Variants in CSTF1 observed in about 807,000 individuals in gnomAD.
CSTF1 encodes CF-1 50 kDa subunit.
Under a neutral mutation model 40.9 loss-of-function variants are expected in CSTF1, and 2 were observed. That is an observed-to-expected ratio of 0.05 (90% confidence interval 0.02 to 0.15). The LOEUF (loss-of-function observed/expected upper bound fraction) is 0.15. Ranked by LOEUF, CSTF1 falls within the 10% of genes least tolerant of loss-of-function variation. CSTF1 has a pLI of 1.00. For synonymous variants in CSTF1, 218 were observed against 207.2 expected (o/e 1.05, Z -0.45); for missense variants, 279 against 558.9 (o/e 0.50, Z 5.05).
At chr20:56,395,778 T>C (rs1987502375) in intron 2 of CSTF1, 57 bp downstream of exon 2, 19 of 1,568,910 alleles carry the variant, frequency 1.2e-5, no homozygotes, top group Non-Finnish European at 1.6e-5. Context: ...TATTTTCATA[T>C]GGCAGAATTT....
rs1230547978 is a variant in CSTF1 at position 56,402,609 on chromosome 20, T to C, written c.1037-859T>C. The stretch of plus-strand genomic sequence containing the variant: ...AGGATGTTCATTACAACATTACTTA[T>C]AATTGATATAAACTAAATGTCAGGA... On this transcript the variant is annotated intron_variant, in intron 5 of 5. Coordinates refer to ENST00000217109, the MANE Select transcript of CSTF1 (RefSeq NM_001324.3). Among the ~76,000 whole-genome samples, 3 of 152,304 alleles carry C rather than the reference T, an allele frequency of 2.0e-5. No individual in the cohort carries two copies. The East Asian group carries it at 5.8e-4, about 29-fold the overall frequency.
At position 56,401,388 on chromosome 20, in the gene CSTF1, A is replaced by G. The variant is rs182368211; in HGVS notation, c.1036+2031A>G. On this transcript the variant is annotated intron_variant, in intron 5 of 5. Coordinates refer to ENST00000217109, the MANE Select transcript of CSTF1 (RefSeq NM_001324.3). ...TGAATATGGGGACCTGGTTTTGTTA[A>G]TCAGATTTCAGGAGTCTTAAAGATT... 2.4e-3 allele frequency among the ~76,000 whole-genome samples: 373 copies of G among 152,340 alleles called. 6 individuals carry two copies. The highest frequency in any genetic ancestry group is 6.2e-4 in the Non-Finnish European group (42 of 68,032).
intron 1 of CSTF1, 42 bp from the exon 2 acceptor site, chr20:56,395,479 C>A: frequency 7.5e-7 from 1 of 1,337,412 alleles, no homozygotes; most frequent in Non-Finnish European, 1.0e-6. Context: ...CTGTGATTTA[C>A]TAGAGCCTGT....
chr20:56,399,304 CTG>C lies in CSTF1; in HGVS notation c.985_986del (p.Val329SerfsTer2). 6.2e-7 allele frequency: 1 copy of C among 1,613,944 alleles called. No individual in the cohort carries two copies. The highest frequency in any genetic ancestry group is 8.5e-7 in the Non-Finnish European group (1 of 1,179,886). On this transcript the variant is annotated frameshift_variant, in exon 5 of 6. Transcript: ENST00000217109. LOFTEE classifies it high-confidence loss of function. The surrounding 1 kb of genome is among the most constrained non-coding windows in gnomAD (Gnocchi z 4.6). ...TACATTCTCTCAAGTGGAAAAGACT[CTG>C]TAGCTAAACTTTGGGAAATATCAAC...
chr20:56,398,839 T>TA (rs541459142), intron 4 of CSTF1, 128 bp from the exon 5 acceptor site: 14 of 856,998 alleles, frequency 1.6e-5, no homozygotes, highest in Non-Finnish European at 2.4e-5. Flanking sequence ...CTTTTTTTCT[T>TA]ATGATACCTG....
chr20:56,397,505 C>T lies in CSTF1; in HGVS notation c.447+21C>T. 6.2e-7 allele frequency: 1 copy of T among 1,605,904 alleles called. No individual in the cohort carries two copies. Among genetic ancestry groups the T allele is most frequent in the South Asian group, 1.1e-5 (1 of 90,714 alleles). ...TAGAGGTAAAAATTCCAGTCACATA[C>T]TTATTGATTGCCTTCTGTTTTTCAT... On this transcript the variant is annotated intron_variant, in intron 3 of 5. Coordinates refer to ENST00000217109, the MANE Select transcript of CSTF1 (RefSeq NM_001324.3). This position sits in a 1 kb window ranked among gnomAD's most constrained non-coding sequence, Gnocchi z 4.4.
intron 1 of CSTF1, 54 bp from the exon 2 acceptor site, chr20:56,395,467 T>C (rs1987490610): frequency 5.9e-6 from 7 of 1,186,380 alleles, no homozygotes; most frequent in Non-Finnish European, 8.3e-6. Flanking sequence ...CCTATGTTGC[T>C]TCTGTGATTT....
chr20:56,395,601 C>T lies in CSTF1; in HGVS notation c.49C>T (p.Leu17=). 2 of 1,614,218 alleles carry T rather than the reference C, an allele frequency of 1.2e-6. No individual in the cohort carries two copies. The highest frequency in any genetic ancestry group is 1.7e-6 in the Non-Finnish European group (2 of 1,180,030). ...GAAGGACCGCCAGCAGCTCTACAAGCTGATCATTAGCCAGCTGCTATATGA... is the reference window on the plus strand; with the variant it reads ...GAAGGACCGCCAGCAGCTCTACAAGTTGATCATTAGCCAGCTGCTATATGA... ...GLKDRQQLYK[L]IISQLLYDGY... The change falls in exon 2 of 6, where the codon CTG becomes TTG. Residue 17 remains leucine, a synonymous_variant. Transcript: ENST00000217109.
Position 56,395,734 on chromosome 20 carries a change from C to T in CSTF1, c.169+13C>T. The T allele has an allele frequency of 6.2e-7, 1 of 1,611,106 alleles. No individual in the cohort carries two copies. The highest frequency in any genetic ancestry group is 8.5e-7 in the Non-Finnish European group (1 of 1,178,744). On this transcript the variant is annotated intron_variant, in intron 2 of 5. Coordinates refer to ENST00000217109, the MANE Select transcript of CSTF1 (RefSeq NM_001324.3). ...CTCATCAAACTCGGTAGATTGTGAA[C>T]ACAAATCCATACGTCCCATGGCAAG...
rs1664252817 is a variant in CSTF1 at position 56,405,312 on chromosome 20, T to C, written c.*1585T>C. The C allele has an allele frequency of 6.6e-6, 1 of 152,192 alleles. No individual in the cohort carries two copies. Among genetic ancestry groups the C allele is most frequent in the East Asian group, 1.9e-4 (1 of 5,158 alleles). 9.4% of individuals were successfully genotyped at this position (152,192 alleles called of 1,614,324 possible). ...GCCTCCGCCACCTGGGTTCAAACGA[T>C]TCTCCTGCCTCAGGCTCCCGAGTAA... On this transcript the variant is annotated 3_prime_UTR_variant, in exon 6 of 6. Transcript: ENST00000217109.
chr20:56,402,246 G>C (rs1229275746), intron 5 of CSTF1, among the ~76,000 whole-genome samples: 1 of 151,544 alleles, frequency 6.6e-6, no homozygotes, highest in Non-Finnish European at 1.5e-5. Flanking sequence ...GGCAGAGGTT[G>C]CAGTGAGCCG....
At chr20:56,403,102 A>T (rs1020728664) in intron 5 of CSTF1, among the ~76,000 whole-genome samples, 1 of 152,214 alleles carries the variant, frequency 6.6e-6, no homozygotes, top group Non-Finnish European at 1.5e-5. Flanking sequence ...ATGTATTTTT[A>T]AAATGTGTTT....
upstream of CSTF1, chr20:56,392,477 A>G (rs1182642782): frequency 2.6e-5 from 4 of 152,298 alleles, no homozygotes; most frequent in Non-Finnish European, 5.9e-5. Context: ...CAGCCCCTTG[A>G]CGTCAAGCTT....
At chr20:56,403,352 A>G in intron 5 of CSTF1, 116 bp from the exon 6 acceptor site, 1 of 1,211,970 alleles carries the variant, frequency 8.3e-7, no homozygotes, top group Non-Finnish European at 1.2e-6. Context: ...AGTTTCTGAA[A>G]GTGTACAAGG....
intron 1 of CSTF1, 52 bp from the exon 2 acceptor site, chr20:56,395,469 C>A: frequency 8.2e-7 from 1 of 1,217,240 alleles, no homozygotes; most frequent in South Asian, 1.5e-5. Context: ...TATGTTGCTT[C>A]TGTGATTTAC....
chr20:56,401,158 A>G (rs1167010107), intron 5 of CSTF1, among the ~76,000 whole-genome samples: 1 of 152,194 alleles, frequency 6.6e-6, no homozygotes, highest in Non-Finnish European at 1.5e-5. Context: ...TATAAATAAC[A>G]TACAGGACTG....
rs932260157 is a variant in CSTF1 at position 56,404,926 on chromosome 20, A to C, written c.*1199A>C. On this transcript the variant is annotated 3_prime_UTR_variant, in exon 6 of 6. Transcript: ENST00000217109. ...GTGATCCGCCTGCCTCAGCCTCCCAAAGTTTTGGGATTACAGGCGTGAGCC... is the reference window on the plus strand; with the variant it reads ...GTGATCCGCCTGCCTCAGCCTCCCACAGTTTTGGGATTACAGGCGTGAGCC... 2.7e-5 allele frequency: 4 copies of C among 149,852 alleles called. No individual in the cohort carries two copies. Among genetic ancestry groups the C allele is most frequent in the Admixed American group, 2.0e-4 (3 of 15,010 alleles). The allele number at this position is 149,852 out of a possible 1,614,324, so 9.3% of individuals were successfully genotyped here. A position where few individuals can be genotyped will look rare whatever the true frequency, so the allele number is the denominator to read the frequency against.
intron 5 of CSTF1, among the ~76,000 whole-genome samples, chr20:56,402,492 G>C (rs890329068): frequency 7.2e-5 from 11 of 152,114 alleles, no homozygotes; most frequent in African/African-American, 2.7e-4. Context: ...TCATAAAAAG[G>C]CTTCCTTTTG....
rs1192876928 is a variant in CSTF1, at chr20:56,397,926, CAG to C, written c.645+86_645+87del. 4 of 1,102,618 alleles carry C rather than the reference CAG, an allele frequency of 3.6e-6. No homozygotes were observed. The highest frequency in any genetic ancestry group is 3.1e-5 in the African/African-American group (2 of 63,770). 68.3% of individuals were successfully genotyped at this position (1,102,618 alleles called of 1,614,324 possible). On this transcript the variant is annotated intron_variant, in intron 4 of 5. Transcript: ENST00000217109. This position sits in a 1 kb window ranked among gnomAD's most constrained non-coding sequence, Gnocchi z 4.4. ...ACTATTCTCTTTTTAAAAGTAGTCT[CAG>C]TGATCATCCTGTAAGATGCGTACAG...
Sources: gnomAD v4.1 joint callset for allele counts (sites outside exome capture counted in the v4.1 genomes callset) on GRCh38, gnomAD v4.1.1 for gene constraint, Gnocchi (gnomAD v3.1) non-coding constraint, MANE v1.5 for transcripts, NCBI Gene and HGNC (gene_info 2026-07-23, HGNC 2026-07-21) for gene names.